Variants in PCDHGA6 observed in about 807,000 individuals in gnomAD.
The protein encoded by PCDHGA6 is protocadherin gamma-A6.
A neutral mutation model predicts 60.6 loss-of-function variants in PCDHGA6; 41 were observed. The ratio of observed to expected loss-of-function variants is 0.68; its 90% CI spans 0.53 to 0.88. The LOEUF is 0.88. Ranked by LOEUF, PCDHGA6 falls within the 40% of genes least tolerant of loss-of-function variation. PCDHGA6 has a pLI of 0.00. For missense variants in PCDHGA6, 1,312 were observed against 1,203.0 expected, an observed-to-expected ratio of 1.09 and a Z score of -1.34; for synonymous variants, 594 against 524.4, an observed-to-expected ratio of 1.13 and a Z score of -1.81.
intron 1 of PCDHGA6, chr5:141,382,820 A>T (rs1369130732): frequency 3.1e-6 from 4 of 1,304,848 alleles, no homozygotes; most frequent in Non-Finnish European, 4.2e-6. Context: ...CCTTCCTAAG[A>T]CAGAGGGGTC....
chr5:141,499,634 C>A (rs1194596079), intron 2 of PCDHGA6, among the ~76,000 whole-genome samples: 1 of 151,220 alleles, frequency 6.6e-6, no homozygotes, highest in Non-Finnish European at 1.5e-5. Flanking sequence ...TCTTTTGAAG[C>A]AAATCTCAGA....
intron 1 of PCDHGA6, chr5:141,417,540 A>G (rs1301087527): frequency 2.0e-5 from 6 of 301,520 alleles, no homozygotes; most frequent in Non-Finnish European, 3.6e-5. Context: ...TTTAAAAAAA[A>G]TTCCTTGAAA....
At chr5:141,430,808 G>A in intron 1 of PCDHGA6, 1 of 1,526,682 alleles carries the variant, frequency 6.6e-7, no homozygotes, top group East Asian at 2.3e-5. Flanking sequence ...TGTCCTGCTG[G>A]GAATCCTCCT....
intron 1 of PCDHGA6, among the ~76,000 whole-genome samples, chr5:141,425,350 A>G (rs926657846): frequency 6.6e-6 from 1 of 152,194 alleles, no homozygotes; most frequent in Non-Finnish European, 1.5e-5. Context: ...TGGCTTTGAA[A>G]TGTGATATTA....
chr5:141,404,210 A>G (rs927879028), intron 1 of PCDHGA6: 11 of 1,613,840 alleles, frequency 6.8e-6, no homozygotes, highest in Non-Finnish European at 9.3e-6. Context: ...AGAATATAAT[A>G]TCACGGTGAC....
chr5:141,454,625 C>G (rs1193628253), intron 1 of PCDHGA6, among the ~76,000 whole-genome samples: 1 of 151,512 alleles, frequency 6.6e-6, no homozygotes, highest in Admixed American at 6.6e-5. Context: ...AGGCTGGTCT[C>G]GAACCCCCAA....
In PCDHGA6 at chr5:141,432,776, G is replaced by C. The variant is rs975435403; in HGVS notation, c.2424+56269G>C. 1.9e-6 allele frequency: 3 copies of C among 1,614,172 alleles called. No homozygotes were observed. In the African/African-American group the frequency reaches 4.0e-5, roughly 22 times the overall value. ...GGCCGACAGCATCCCCCAAGTCCTG[G>C]CGGACCTCGGCAGCCTCGAGTCTCC... On this transcript the variant is annotated intron_variant, in intron 1 of 3. Transcript: ENST00000517434. This position sits in a 1 kb window ranked among gnomAD's most constrained non-coding sequence, Gnocchi z 6.0.
intron 1 of PCDHGA6, chr5:141,441,671 C>A (rs1027440120): frequency 7.0e-6 from 2 of 287,530 alleles, no homozygotes; most frequent in South Asian, 2.9e-5. Flanking sequence ...GCGCACAGTG[C>A]GCCTTCGACC....
Position 141,399,843 on chromosome 5 carries a change from T to C in PCDHGA6, c.2424+23336T>C, listed in dbSNP as rs1452069886. ...GTCCCGACGGCTCTGCGCTCTTCGATATGGTGCCGCGCGCTGCAGAGCCCG... is the reference window on the plus strand; with the variant it reads ...GTCCCGACGGCTCTGCGCTCTTCGACATGGTGCCGCGCGCTGCAGAGCCCG... On this transcript the variant is annotated intron_variant, in intron 1 of 3. Coordinates refer to ENST00000517434, the MANE Select transcript of PCDHGA6 (RefSeq NM_018919.3). 2.5e-6 allele frequency: 4 copies of C among 1,612,848 alleles called. No homozygotes were observed. The African/African-American group carries it at 5.3e-5, about 22-fold the overall frequency.
rs767515334 is a variant in PCDHGA6, at chr5:141,403,753, C to A, written c.2424+27246C>A. ...CCTGGCTGCTTACTGCAACAGCCAG[C>A]GACCTGGATGAGGGAATCAACGGAA... is the stretch of plus-strand genomic sequence containing the variant. On this transcript the variant is annotated intron_variant, in intron 1 of 3. Transcript: ENST00000517434. The A allele has an allele frequency of 1.9e-6, 3 of 1,613,502 alleles. No individual in the cohort carries two copies. The Admixed American group carries it at 5.0e-5, about 27-fold the overall frequency.
rs996153387 is a variant in PCDHGA6, at chr5:141,491,985, G to A, written c.2425-2822G>A. 24 of 743,298 alleles carry A rather than the reference G, an allele frequency of 3.2e-5. No homozygotes were observed. Among genetic ancestry groups the A allele is most frequent in the Non-Finnish European group, 4.5e-5 (22 of 494,254 alleles). 46.0% of individuals were successfully genotyped at this position (743,298 alleles called of 1,614,324 possible). On this transcript the variant is annotated intron_variant, in intron 1 of 3. Transcript: ENST00000517434. The surrounding 1 kb of genome is among the most constrained non-coding windows in gnomAD (Gnocchi z 6.9). ...AGGCCGGGGCCTCCTTCGAGCTTCC[G>A]GTGAATTTCGGGCGATTTCCGCGGG...
chr5:141,435,737 T>C (rs944951200), intron 1 of PCDHGA6, among the ~76,000 whole-genome samples: 1 of 152,202 alleles, frequency 6.6e-6, no homozygotes, highest in Non-Finnish European at 1.5e-5. Context: ...TATTACTCTT[T>C]GAAAAGCATT....
chr5:141,419,370 A>T, intron 1 of PCDHGA6: 1 of 1,613,692 alleles, frequency 6.2e-7, no homozygotes, highest in Non-Finnish European at 8.5e-7. Context: ...CTGTCGTCCT[A>T]CGTGTCCGTG....
At chr5:141,484,287 C>T (rs1432341538) in intron 1 of PCDHGA6, among the ~76,000 whole-genome samples, 1 of 152,268 alleles carries the variant, frequency 6.6e-6, no homozygotes, top group Non-Finnish European at 1.5e-5. Context: ...GAAACATCTC[C>T]CTCTCCTGGC....
intron 1 of PCDHGA6, among the ~76,000 whole-genome samples, chr5:141,438,263 A>G (rs2097944986): frequency 6.6e-6 from 1 of 152,144 alleles, no homozygotes; most frequent in South Asian, 2.1e-4. Flanking sequence ...AAGAGACCAT[A>G]GAATCAAACA....
intron 1 of PCDHGA6, among the ~76,000 whole-genome samples, chr5:141,484,107 A>C (rs13361997): frequency 0.24 from 37,195 of 152,070 alleles, 6,332 homozygotes; most frequent in African/African-American, 0.48. Context: ...TAATTAACAA[A>C]AGATCAAGAA....
intron 2 of PCDHGA6, among the ~76,000 whole-genome samples, chr5:141,496,230 C>T (rs1336418553): frequency 2.6e-5 from 4 of 152,160 alleles, no homozygotes; most frequent in Admixed American, 2.0e-4. Flanking sequence ...AGACAGGAAC[C>T]CCCTGCGGGC....
chr5:141,381,817 T>TTTC (rs1262770842), intron 1 of PCDHGA6, among the ~76,000 whole-genome samples: 10 of 136,280 alleles, frequency 7.3e-5, no homozygotes, highest in East Asian at 4.1e-4. Context: ...TCTTTCTTTC[T>TTTC]TTCTTCTTCT....
chr5:141,494,844 C>T lies in PCDHGA6; in HGVS notation c.2462C>T (p.Ala821Val). The change falls in exon 2 of 4, where the codon GCC becomes GTC. Residue 821 changes from alanine to valine, a missense_variant. Ala to Val is a moderately conservative substitution (Grantham distance 64). Coordinates refer to ENST00000517434, the MANE Select transcript of PCDHGA6 (RefSeq NM_018919.3). ...PPNTDWRFSQ[A>V]QRPGTSGSQN... The stretch of plus-strand genomic sequence containing the variant: ...AACACGGACTGGCGTTTCTCTCAGG[C>T]CCAGAGACCCGGCACCAGCGGGTAG... The T allele has an allele frequency of 6.2e-7, 1 of 1,614,190 alleles. No homozygotes were observed. The highest frequency in any genetic ancestry group is 8.5e-7 in the Non-Finnish European group (1 of 1,180,028).
Sources: allele counts gnomAD v4.1 joint callset (sites outside exome capture counted in the v4.1 genomes callset), GRCh38; gene constraint gnomAD v4.1.1; non-coding constraint Gnocchi (gnomAD v3.1); transcripts MANE v1.5; gene names NCBI Gene and HGNC (gene_info 2026-07-23, HGNC 2026-07-21).